PCP4L1: variants seen among roughly 807,000 people sequenced by gnomAD.
PCP4L1 encodes the protein Purkinje cell protein 4-like protein 1.
PCP4L1 carries 9 observed loss-of-function variants against 9.6 expected under a neutral mutation model. The observed-to-expected ratio is 0.94, with a 90% confidence interval of 0.57 to 1.64. The LOEUF (loss-of-function observed/expected upper bound fraction) is 1.64, where lower values mean the gene tolerates loss of function less well. PCP4L1 is among the 40% of genes most tolerant of loss of function. The pLI is 0.00. For synonymous variants in PCP4L1, 31 were observed against 28.2 expected (o/e 1.10, Z -0.31); for missense variants, 81 against 80.8 (o/e 1.00, Z -0.01).
chr1:161,284,090 T>C (rs1669866233), intron 2 of PCP4L1, among the ~76,000 whole-genome samples: 1 of 152,176 alleles, frequency 6.6e-6, no homozygotes, highest in South Asian at 2.1e-4. Flanking sequence ...GAATAAGTGA[T>C]GAAAGAAGAC....
At chr1:161,282,267 A>G (rs942204874) in intron 1 of PCP4L1, among the ~76,000 whole-genome samples, 15 of 152,114 alleles carry the variant, frequency 9.9e-5, no homozygotes, top group African/African-American at 3.6e-4. Flanking sequence ...CGCGCCTGCA[A>G]TAGCAGGCAC....
chr1:161,283,140 A>G (rs188249556), intron 1 of PCP4L1, among the ~76,000 whole-genome samples: 20 of 152,218 alleles, frequency 1.3e-4, no homozygotes, highest in Non-Finnish European at 7.4e-5. Context: ...CACTCCAACT[A>G]CACTGGTCTG....
At chr1:161,282,609 C>T (rs1289499892) in intron 1 of PCP4L1, among the ~76,000 whole-genome samples, 1 of 152,160 alleles carries the variant, frequency 6.6e-6, no homozygotes, top group Non-Finnish European at 1.5e-5. Flanking sequence ...TTTAACTCAT[C>T]TTGACTATTC....
chr1:161,262,866 T>G (rs987263133), intron 1 of PCP4L1, among the ~76,000 whole-genome samples: 2 of 152,202 alleles, frequency 1.3e-5, no homozygotes, highest in Non-Finnish European at 2.9e-5. Flanking sequence ...CTCCCACTAT[T>G]TTCTTTTTAC....
At chr1:161,270,579 A>AAAAAAAAAG (rs993282417) in intron 1 of PCP4L1, among the ~76,000 whole-genome samples, 3 of 150,848 alleles carry the variant, frequency 2.0e-5, no homozygotes, top group African/African-American at 7.3e-5. Flanking sequence ...CAAAAAAAAA[A>AAAAAAAAAG]AGAGAGACCC....
intron 1 of PCP4L1, among the ~76,000 whole-genome samples, chr1:161,263,270 T>G (rs1669451417): frequency 6.6e-6 from 1 of 152,192 alleles, no homozygotes; most frequent in South Asian, 2.1e-4. Flanking sequence ...AGTCTTGCAC[T>G]GTTGCCAGGG....
chr1:161,274,474 C>T (rs1168883005), intron 1 of PCP4L1, among the ~76,000 whole-genome samples: 1 of 152,172 alleles, frequency 6.6e-6, no homozygotes, highest in Non-Finnish European at 1.5e-5. Context: ...AGTTTGGCCT[C>T]ACTCCTCTGC....
At chr1:161,281,886 C>T (rs1014947999) in intron 1 of PCP4L1, among the ~76,000 whole-genome samples, 4 of 151,380 alleles carry the variant, frequency 2.6e-5, no homozygotes, top group Non-Finnish European at 5.9e-5. Context: ...CAGAGACGCT[C>T]CTCACTTCCT....
chr1:161,269,888 A>T (rs1397898620), intron 1 of PCP4L1, among the ~76,000 whole-genome samples: 1 of 152,016 alleles, frequency 6.6e-6, no homozygotes, highest in Non-Finnish European at 1.5e-5. Flanking sequence ...GGTCCCAGCT[A>T]CTCAGGAAGC....
At chr1:161,273,310 T>C (rs1218480508) in intron 1 of PCP4L1, among the ~76,000 whole-genome samples, 2 of 152,160 alleles carry the variant, frequency 1.3e-5, no homozygotes, top group Non-Finnish European at 2.9e-5. Flanking sequence ...TTGGTATCTA[T>C]TGAGAAGTGA....
chr1:161,281,759 C>T (rs1312627666), intron 1 of PCP4L1, among the ~76,000 whole-genome samples: 1 of 122,252 alleles, frequency 8.2e-6, no homozygotes, highest in Non-Finnish European at 1.7e-5. Flanking sequence ...GGGTCACGGC[C>T]GGGCAGAGGC....
intron 1 of PCP4L1, among the ~76,000 whole-genome samples, chr1:161,272,202 G>A (rs1412034370): frequency 8.9e-6 from 1 of 112,430 alleles, no homozygotes; most frequent in African/African-American, 3.4e-5. Flanking sequence ...TTTTTTTTAA[G>A]CAAATTCTTC....
intron 1 of PCP4L1, among the ~76,000 whole-genome samples, chr1:161,270,339 A>T (rs1669601886): frequency 6.6e-6 from 1 of 152,094 alleles, no homozygotes; most frequent in Admixed American, 6.5e-5. Flanking sequence ...TTCATCTTTT[A>T]TCCTAAGAGC....
intron 1 of PCP4L1, among the ~76,000 whole-genome samples, chr1:161,272,088 G>A (rs1352592780): frequency 6.6e-6 from 1 of 151,588 alleles, no homozygotes; most frequent in Non-Finnish European, 1.5e-5. Context: ...TTACAGGTGT[G>A]AGCCACCGTG....
intron 1 of PCP4L1, among the ~76,000 whole-genome samples, chr1:161,282,056 A>G (rs1158583792): frequency 2.0e-5 from 3 of 152,176 alleles, no homozygotes; most frequent in Non-Finnish European, 4.4e-5. Context: ...TGGAGGTTGT[A>G]GCAAGCGGAG....
rs186107132 is a variant in PCP4L1 at position 161,268,749 on chromosome 1, A to T, written c.9+9766A>T. On this transcript the variant is annotated intron_variant, in intron 1 of 2. Transcript: ENST00000504449. ...TTTTTAGTAGAGGTGGGGTTTCACC[A>T]TGTTGGTCAGGCTGGTCTCGAACTC... 1.8e-3 allele frequency among the ~76,000 whole-genome samples: 277 copies of T among 152,168 alleles called. 1 individual carries two copies. Among genetic ancestry groups the T allele is most frequent in the African/African-American group, 6.4e-3 (265 of 41,526 alleles).
chr1:161,282,248 G>A (rs1033751710), intron 1 of PCP4L1, among the ~76,000 whole-genome samples: 1 of 152,136 alleles, frequency 6.6e-6, no homozygotes, highest in Admixed American at 6.5e-5. Context: ...CCAGTCAGGC[G>A]TGGCGGCGCG....
chr1:161,264,872 G>A (rs559935323), intron 1 of PCP4L1, among the ~76,000 whole-genome samples: 8 of 152,250 alleles, frequency 5.3e-5, no homozygotes, highest in African/African-American at 9.6e-5. Context: ...ATCTAATAAT[G>A]CTGAGCAAGA....
intron 1 of PCP4L1, among the ~76,000 whole-genome samples, chr1:161,270,876 TA>T (rs368483521): frequency 0.043 from 5,864 of 135,654 alleles, 161 homozygotes; most frequent in Non-Finnish European, 0.06. Flanking sequence ...AGACTCCGTC[TA>T]AAAAAAAAAA....
Sources: gnomAD v4.1 joint callset for allele counts (sites outside exome capture counted in the v4.1 genomes callset) on GRCh38, gnomAD v4.1.1 for gene constraint, MANE v1.5 for transcripts, NCBI Gene and HGNC (gene_info 2026-07-23, HGNC 2026-07-21) for gene names.